The following NEK1 variants were observed in gnomAD, a reference collection of about 807,000 sequenced individuals.
NEK1 encodes the protein serine/threonine-protein kinase Nek1.
NEK1 carries 137 observed loss-of-function variants against 182.1 expected under a neutral mutation model. That is an observed-to-expected ratio of 0.75 (90% CI 0.65 to 0.87). The LOEUF (loss-of-function observed/expected upper bound fraction) is 0.87, where lower values mean the gene tolerates loss of function less well. Ranked by LOEUF, NEK1 falls within the 40% of genes least tolerant of loss-of-function variation. The pLI is 0.00. For missense variants in NEK1, 1,391 were observed against 1,494.4 expected (o/e 0.93, Z 1.14); for synonymous variants, 513 against 492.2 (o/e 1.04, Z -0.56).
intron 19 of NEK1, among the ~76,000 whole-genome samples, chr4:169,520,997 G>GAGGC (rs1755885400): frequency 1.6e-5 from 1 of 61,520 alleles, no homozygotes; most frequent in Non-Finnish European, 3.2e-5. Context: ...GGAGCCTACA[G>GAGGC]AGGCAGGCAG....
intron 5 of NEK1, among the ~76,000 whole-genome samples, chr4:169,596,165 G>A (rs771923075): frequency 2.0e-5 from 3 of 152,160 alleles, no homozygotes; most frequent in East Asian, 1.9e-4. Context: ...CCTGACGTTA[G>A]GATAGAAGAA....
At position 169,400,730 on chromosome 4, in the gene NEK1, C is replaced by T. The variant is rs953055271; in HGVS notation, c.3584-79G>A. ...ACCCTAATAGACTAAAATTCTATGACAAATGAATAATGCCATTGAAATAGA... is the reference window on the plus strand; with the variant it reads ...ACCCTAATAGACTAAAATTCTATGATAAATGAATAATGCCATTGAAATAGA... On this transcript the variant is annotated intron_variant, in intron 33 of 35. Coordinates refer to ENST00000507142, the MANE Select transcript of NEK1 (RefSeq NM_001199397.3). 5 of 995,154 alleles carry T rather than the reference C, an allele frequency of 5.0e-6. No individual in the cohort carries two copies. In the East Asian group the frequency reaches 1.4e-4, roughly 28 times the overall value. The allele number at this position is 995,154 out of a possible 1,614,324, so 61.6% of individuals were successfully genotyped here.
chr4:169,570,194 G>A (rs1387307085), intron 12 of NEK1, among the ~76,000 whole-genome samples: 2 of 151,794 alleles, frequency 1.3e-5, no homozygotes, highest in Non-Finnish European at 2.9e-5. Context: ...ACCCCGTCTG[G>A]GAGGTGAGGA....
chr4:169,475,500 A>T lies in NEK1; in HGVS notation c.2434+1624T>A, dbSNP rs144297033. On this transcript the variant is annotated intron_variant, in intron 26 of 35. Transcript: ENST00000507142. Reference sequence around the variant, plus strand: ...TAACTGCATTCTAGAATAAATCTCCAGAATAATTACAAAAATAAAAAAATA... The same window carrying T: ...TAACTGCATTCTAGAATAAATCTCCTGAATAATTACAAAAATAAAAAAATA... Among the ~76,000 whole-genome samples, 22 of 152,324 alleles carry T rather than the reference A, an allele frequency of 1.4e-4. No individual in the cohort carries two copies. In the East Asian group the frequency reaches 3.1e-3, roughly 21 times the overall value.
At chr4:169,457,464 T>C (rs1050296976) in intron 27 of NEK1, among the ~76,000 whole-genome samples, 1 of 150,536 alleles carries the variant, frequency 6.6e-6, no homozygotes, top group Non-Finnish European at 1.5e-5. Flanking sequence ...AAAAACAGAA[T>C]ACTAGATGCC....
intron 35 of NEK1, among the ~76,000 whole-genome samples, chr4:169,395,096 TG>T (rs1157872158): frequency 6.6e-6 from 1 of 152,228 alleles, no homozygotes; most frequent in Non-Finnish European, 1.5e-5. Context: ...TAGACATTTT[TG>T]TTATTTTCAA....
At chr4:169,416,810 C>T (rs928699626) in intron 31 of NEK1, among the ~76,000 whole-genome samples, 5 of 152,024 alleles carry the variant, frequency 3.3e-5, no homozygotes, top group East Asian at 1.9e-4. Context: ...GAGGCTGAGG[C>T]GGGAAGATTG....
At chr4:169,568,398 C>T (rs1764061696) in intron 12 of NEK1, among the ~76,000 whole-genome samples, 1 of 152,228 alleles carries the variant, frequency 6.6e-6, no homozygotes, top group South Asian at 2.1e-4. Context: ...TTTCACTGAA[C>T]TCTATTAGAA....
At chr4:169,492,865 C>T (rs561374523) in intron 23 of NEK1, among the ~76,000 whole-genome samples, 1 of 152,200 alleles carries the variant, frequency 6.6e-6, no homozygotes, top group Non-Finnish European at 1.5e-5. Flanking sequence ...CAATGGGAAA[C>T]AGGAAATGTG....
At chr4:169,457,192 T>G (rs769122520) in intron 27 of NEK1, among the ~76,000 whole-genome samples, 2 of 152,180 alleles carry the variant, frequency 1.3e-5, no homozygotes, top group Non-Finnish European at 2.9e-5. Context: ...ATATTGTGCA[T>G]TTAAAAATAA....
In NEK1 at chr4:169,556,004, A is replaced by G; in HGVS notation, c.1358T>C (p.Met453Thr). The G allele has an allele frequency of 6.2e-7, 1 of 1,613,732 alleles. No homozygotes were observed. The highest frequency in any genetic ancestry group is 8.5e-7 in the Non-Finnish European group (1 of 1,179,796). ...ATTATCTTCTGCTCTTTGTTGCTGC[A>G]TTTGGTCAAAAATGGCATGGTAATG... is the stretch of plus-strand genomic sequence containing the variant. ...YEHYHAIFDQ[M>T]QQQRAEDNEA... The change falls in exon 17 of 36, where the codon ATG becomes ACG. Residue 453 changes from methionine to threonine, a missense_variant. Coordinates refer to ENST00000507142, the MANE Select transcript of NEK1 (RefSeq NM_001199397.3).
At position 169,400,238 on chromosome 4, in the gene NEK1, T is replaced by A. The variant is rs758210496; in HGVS notation, c.3834A>T (p.Gly1278=). The change falls in exon 35 of 36, where the codon GGA becomes GGT. Residue 1278 remains glycine, a synonymous_variant. Coordinates refer to ENST00000507142, the MANE Select transcript of NEK1 (RefSeq NM_001199397.3). The part of the protein sequence containing the change: ...AKILHLVMAD[G]AYQEDNDE ...AGGAAATCTTACCTTCTTGGTAGGC[T>A]CCATCTGCCATGACTAAATGAAGAA... The A allele has an allele frequency of 2.5e-6, 4 of 1,579,998 alleles. No individual in the cohort carries two copies. The highest frequency in any genetic ancestry group is 3.4e-6 in the Non-Finnish European group (4 of 1,160,342).
chr4:169,599,823 G>A (rs1042440845), intron 4 of NEK1, among the ~76,000 whole-genome samples: 17 of 152,042 alleles, frequency 1.1e-4, no homozygotes, highest in African/African-American at 3.6e-4. Context: ...GGTCCACAAA[G>A]AAAGGTACTT....
At chr4:169,460,279 C>T (rs554902898) in intron 27 of NEK1, among the ~76,000 whole-genome samples, 1 of 151,756 alleles carries the variant, frequency 6.6e-6, no homozygotes, top group South Asian at 2.1e-4. Flanking sequence ...GGGGAGGCGT[C>T]ACGATCATGG....
chr4:169,420,585 C>T (rs1279191904), intron 31 of NEK1, among the ~76,000 whole-genome samples: 1 of 152,084 alleles, frequency 6.6e-6, no homozygotes, highest in Non-Finnish European at 1.5e-5. Context: ...TCTTATGGGA[C>T]CACTGCTGTA....
At chr4:169,548,575 C>T (rs1760909445) in intron 18 of NEK1, among the ~76,000 whole-genome samples, 1 of 152,242 alleles carries the variant, frequency 6.6e-6, no homozygotes, top group South Asian at 2.1e-4. Flanking sequence ...ACAACTGCCC[C>T]TTCCCCCAGG....
At chr4:169,437,996 C>T (rs1035681998) in intron 28 of NEK1, 87 bp downstream of exon 28, 3 of 1,014,954 alleles carry the variant, frequency 3.0e-6, no homozygotes, top group East Asian at 2.7e-5. Flanking sequence ...CAAACATATA[C>T]AAATTTTGAT....
intron 2 of NEK1, among the ~76,000 whole-genome samples, chr4:169,609,446 A>G (rs1771941724): frequency 6.6e-6 from 1 of 152,240 alleles, no homozygotes; most frequent in African/African-American, 2.4e-5. Context: ...GTAATCATTC[A>G]CATACAGTCA....
chr4:169,461,632 C>T (rs773875887), intron 27 of NEK1, among the ~76,000 whole-genome samples: 22 of 152,250 alleles, frequency 1.4e-4, no homozygotes, highest in South Asian at 6.2e-4. Context: ...AATCCCAATA[C>T]AGAGCATATT....
Sources: gnomAD v4.1 joint callset for allele counts (sites outside exome capture counted in the v4.1 genomes callset) on GRCh38, gnomAD v4.1.1 for gene constraint, MANE v1.5 for transcripts, NCBI Gene and HGNC (gene_info 2026-07-23, HGNC 2026-07-21) for gene names.